The following GALNTL6 variants were observed in gnomAD, a reference collection of about 807,000 sequenced individuals.
GALNTL6 encodes polypeptide N-acetylgalactosaminyltransferase-like 6.
In GALNTL6, 46 loss-of-function variants were observed where a neutral mutation model predicts 73.7. The observed-to-expected ratio is 0.62, with a 90% CI of 0.49 to 0.80. The LOEUF is 0.80. Among genes scored for constraint, GALNTL6 ranks in the 30% least tolerant of loss-of-function variants. GALNTL6 has a pLI of 0.00. For synonymous variants in GALNTL6, 259 were observed against 263.7 expected, an observed-to-expected ratio of 0.98 and a Z score of 0.17; for missense variants, 604 against 755.0, an observed-to-expected ratio of 0.80 and a Z score of 2.34.
At chr4:172,342,155 A>G (rs1299501668) in intron 4 of GALNTL6, among the ~76,000 whole-genome samples, 1 of 152,092 alleles carries the variant, frequency 6.6e-6, no homozygotes, top group African/African-American at 2.4e-5. Flanking sequence ...TGAACGGTTT[A>G]TCTACAAAAA....
chr4:172,489,928 T>G (rs1234339323), intron 5 of GALNTL6, among the ~76,000 whole-genome samples: 1 of 152,194 alleles, frequency 6.6e-6, no homozygotes, highest in Non-Finnish European at 1.5e-5. Context: ...ACAAAATAAT[T>G]AGATACTGAA....
intron 2 of GALNTL6, among the ~76,000 whole-genome samples, chr4:171,979,274 C>T (rs1378011876): frequency 6.6e-6 from 1 of 152,112 alleles, no homozygotes; most frequent in Non-Finnish European, 1.5e-5. Flanking sequence ...TCGGTGTTTT[C>T]CCATTCTATA....
At chr4:173,012,208 G>T (rs997210982) in intron 11 of GALNTL6, among the ~76,000 whole-genome samples, 40 of 152,244 alleles carry the variant, frequency 2.6e-4, no homozygotes, top group Admixed American at 1.4e-3. Context: ...TCCCAGTAAG[G>T]CGTTACTGCC....
intron 5 of GALNTL6, among the ~76,000 whole-genome samples, chr4:172,503,110 C>T (rs965223936): frequency 1.7e-4 from 26 of 152,006 alleles, no homozygotes; most frequent in African/African-American, 5.6e-4. Context: ...GTCACATTGT[C>T]GTGATGTGGC....
chr4:172,491,039 A>G (rs1352576010), intron 5 of GALNTL6, among the ~76,000 whole-genome samples: 1 of 206 alleles, frequency 4.9e-3, no homozygotes, highest in South Asian at 0.25. Context: ...AAACAAAGAC[A>G]AAAAAAAAAC....
intron 7 of GALNTL6, among the ~76,000 whole-genome samples, chr4:172,865,240 G>A (rs1744601543): frequency 2.0e-5 from 3 of 152,104 alleles, no homozygotes; most frequent in Admixed American, 2.0e-4. Flanking sequence ...TCTTCATCTG[G>A]GTCTAGTGAC....
chr4:172,559,053 A>C (rs1736247883), intron 5 of GALNTL6, among the ~76,000 whole-genome samples: 1 of 114,788 alleles, frequency 8.7e-6, no homozygotes, highest in African/African-American at 3.2e-5. Context: ...TGATAATGAT[A>C]ATGGATTTTT....
At chr4:172,815,939 A>T (rs148335213) in intron 7 of GALNTL6, among the ~76,000 whole-genome samples, 68 of 152,330 alleles carry the variant, frequency 4.5e-4, no homozygotes, top group Middle Eastern at 3.4e-3. Context: ...CTGATAATAA[A>T]AGAATGGTTA....
intron 10 of GALNTL6, among the ~76,000 whole-genome samples, chr4:172,954,639 T>A (rs1284940079): frequency 6.6e-6 from 1 of 152,146 alleles, no homozygotes; most frequent in Non-Finnish European, 1.5e-5. Flanking sequence ...GCTAATTTTT[T>A]AAATTTTTTG....
intron 5 of GALNTL6, among the ~76,000 whole-genome samples, chr4:172,386,866 C>A (rs1743492532): frequency 6.6e-6 from 1 of 152,164 alleles, no homozygotes; most frequent in Admixed American, 6.6e-5. Context: ...AACCTACCAA[C>A]TCAAAGGCCA....
chr4:172,964,991 G>A (rs1471421204), intron 10 of GALNTL6, among the ~76,000 whole-genome samples: 1 of 152,196 alleles, frequency 6.6e-6, no homozygotes. Context: ...GCAACTACGC[G>A]GCAAACTGCC....
chr4:171,982,417 C>T (rs1269157062), intron 2 of GALNTL6, among the ~76,000 whole-genome samples: 1 of 152,080 alleles, frequency 6.6e-6, no homozygotes, highest in East Asian at 1.9e-4. Flanking sequence ...CCTGCTTCAG[C>T]CTCCCCAGTA....
chr4:172,997,203 G>T (rs1224746278), intron 10 of GALNTL6, among the ~76,000 whole-genome samples: 1 of 152,156 alleles, frequency 6.6e-6, no homozygotes, highest in Non-Finnish European at 1.5e-5. Flanking sequence ...CAGTAAAGCA[G>T]TTGCCACAGA....
intron 5 of GALNTL6, among the ~76,000 whole-genome samples, chr4:172,567,083 C>T (rs1048276420): frequency 4.0e-5 from 6 of 151,552 alleles, no homozygotes; most frequent in African/African-American, 1.5e-4. Flanking sequence ...ACCTTCCATT[C>T]ACTTGGGGGT....
chr4:172,568,344 G>T (rs1423722361), intron 5 of GALNTL6, among the ~76,000 whole-genome samples: 2 of 152,116 alleles, frequency 1.3e-5, no homozygotes, highest in Non-Finnish European at 2.9e-5. Context: ...TCTCTCCCAG[G>T]CTGTTATCCT....
chr4:172,780,138 C>T (rs970173168), intron 5 of GALNTL6, among the ~76,000 whole-genome samples: 1 of 150,718 alleles, frequency 6.6e-6, no homozygotes, highest in Non-Finnish European at 1.5e-5. Context: ...TAAAGTAGTG[C>T]AAGCTGCTAG....
chr4:172,210,531 G>A (rs1262576585), intron 2 of GALNTL6, among the ~76,000 whole-genome samples: 2 of 152,058 alleles, frequency 1.3e-5, no homozygotes. Context: ...TTTGTTTGCT[G>A]TTTTTCTGAT....
At chr4:171,984,181 A>AGG (rs2111084630) in intron 2 of GALNTL6, among the ~76,000 whole-genome samples, 1 of 152,294 alleles carries the variant, frequency 6.6e-6, no homozygotes, top group African/African-American at 2.4e-5. Context: ...GCCCTTGGCC[A>AGG]GGTCCCCACT....
At chr4:172,939,972 C>T (rs909224169) in intron 9 of GALNTL6, among the ~76,000 whole-genome samples, 3 of 152,076 alleles carry the variant, frequency 2.0e-5, no homozygotes, top group Admixed American at 1.3e-4. Context: ...TAACAAATAA[C>T]GATAGAATCC....
Sources: gnomAD v4.1 joint callset for allele counts (sites outside exome capture counted in the v4.1 genomes callset) on GRCh38, gnomAD v4.1.1 for gene constraint, MANE v1.5 for transcripts, NCBI Gene and HGNC (gene_info 2026-07-23, HGNC 2026-07-21) for gene names.